Variants in KALRN observed in about 807,000 individuals in gnomAD.
KALRN encodes kalirin.
Under a neutral mutation model 353.7 loss-of-function variants are expected in KALRN, and 70 were observed. The observed-to-expected ratio is 0.20, with a 90% CI of 0.16 to 0.24. KALRN has a LOEUF of 0.24. Among genes scored for constraint, KALRN ranks in the 10% least tolerant of loss-of-function variants. KALRN has a pLI of 1.00. For missense variants in KALRN, 2,791 were observed against 3,756.7 expected (o/e 0.74, Z 6.72); for synonymous variants, 1,391 against 1,434.8 (o/e 0.97, Z 0.69).
At chr3:124,351,260 G>T (rs759873250) in intron 10 of KALRN, among the ~76,000 whole-genome samples, 5 of 152,136 alleles carry the variant, frequency 3.3e-5, no homozygotes, top group Non-Finnish European at 7.4e-5. Flanking sequence ...GCCAAAGCAT[G>T]GACACTCTTG....
chr3:124,173,538 C>G (rs2072201296), intron 1 of KALRN, among the ~76,000 whole-genome samples: 2 of 152,176 alleles, frequency 1.3e-5, no homozygotes, highest in Admixed American at 1.3e-4. Context: ...CTTTGTTTGT[C>G]TTTTGCCTTG....
intron 11 of KALRN, among the ~76,000 whole-genome samples, chr3:124,391,713 A>C (rs17288804): frequency 0.042 from 6,437 of 152,296 alleles, 195 homozygotes; most frequent in Middle Eastern, 0.099. Flanking sequence ...TTATGGTGCT[A>C]AATCTCAGAG....
At chr3:124,405,537 A>C (rs909423108) in intron 13 of KALRN, among the ~76,000 whole-genome samples, 4 of 152,196 alleles carry the variant, frequency 2.6e-5, no homozygotes, top group Admixed American at 2.0e-4. Context: ...AAATCTCAAA[A>C]TGATAAAAGG....
chr3:124,226,130 A>G (rs2078473879), intron 1 of KALRN, among the ~76,000 whole-genome samples: 1 of 152,230 alleles, frequency 6.6e-6, no homozygotes, highest in African/African-American at 2.4e-5. Context: ...TTAGTTAAAG[A>G]TCCTTGATCC....
At chr3:124,586,001 T>C (rs543645846) in intron 34 of KALRN, among the ~76,000 whole-genome samples, 8 of 152,286 alleles carry the variant, frequency 5.3e-5, no homozygotes, top group South Asian at 2.1e-4. Flanking sequence ...TGAGCAGATA[T>C]AAGGTTACCA....
At chr3:124,475,183 G>A (rs960303757) in intron 26 of KALRN, among the ~76,000 whole-genome samples, 1 of 152,124 alleles carries the variant, frequency 6.6e-6, no homozygotes, top group African/African-American at 2.4e-5. Context: ...ATGGAGAATG[G>A]GTGGGGTGTC....
intron 37 of KALRN, among the ~76,000 whole-genome samples, chr3:124,642,808 T>TGTTTTGTTGTTGTTG (rs796191820): frequency 7.9e-6 from 1 of 126,846 alleles, no homozygotes. Context: ...CAAGCCTCGT[T>TGTTTTGTTGTTGTTG]TTTTTTTTTT....
At chr3:124,552,800 T>A (rs1371183707) in intron 33 of KALRN, among the ~76,000 whole-genome samples, 1 of 152,198 alleles carries the variant, frequency 6.6e-6, no homozygotes, top group African/African-American at 2.4e-5. Context: ...AGTTTCACTC[T>A]TGTCGCCCAG....
At chr3:124,259,561 G>A (rs1230868840) in intron 3 of KALRN, among the ~76,000 whole-genome samples, 1 of 152,120 alleles carries the variant, frequency 6.6e-6, no homozygotes, top group Non-Finnish European at 1.5e-5. Flanking sequence ...GGCACAGAGG[G>A]GTTCCACAGT....
chr3:124,273,265 A>G (rs376343500), intron 5 of KALRN, among the ~76,000 whole-genome samples: 8 of 152,304 alleles, frequency 5.3e-5, no homozygotes, highest in African/African-American at 1.9e-4. Context: ...CCAATTAAGT[A>G]TCTAGGGAGT....
At chr3:124,152,513 A>G in intron 1 of KALRN, 2 of 763,108 alleles carry the variant, frequency 2.6e-6, no homozygotes, top group Non-Finnish European at 4.7e-6. Flanking sequence ...ATCTGCCTAT[A>G]TTCCTTGTTA....
intron 9 of KALRN, among the ~76,000 whole-genome samples, chr3:124,336,819 G>C (rs1193444879): frequency 1.3e-5 from 2 of 152,072 alleles, no homozygotes; most frequent in Non-Finnish European, 2.9e-5. Flanking sequence ...ATTTCCTTCT[G>C]CAGTGGTTTG....
chr3:124,217,419 C>T (rs1417653316), intron 1 of KALRN, among the ~76,000 whole-genome samples: 2 of 152,212 alleles, frequency 1.3e-5, no homozygotes, highest in South Asian at 2.1e-4. Flanking sequence ...TATCAGGGGA[C>T]ATATAGGGTT....
In KALRN at chr3:124,650,823, T is replaced by C; in HGVS notation, c.5680T>C (p.Ser1894Pro). 1.2e-6 allele frequency: 2 copies of C among 1,613,640 alleles called. No homozygotes were observed. The highest frequency in any genetic ancestry group is 2.2e-5 in the South Asian group (2 of 91,072). Residue 1894 changes from serine (S) to proline (P), a missense_variant, in exon 38 of 60, where the codon TCA becomes CCA. Transcript: ENST00000682506. ...CTCTTTTCAGAGTCTAGAAGGAAGC[T>C]CATACCGGGGGAGCTTGAAAGACCC... Reference protein sequence around the residue: ...VKNKLSLEGSSYRGSLKDPAG... With the variant: ...VKNKLSLEGSPYRGSLKDPAG...
rs532743237 is a variant in KALRN, at chr3:124,390,263, G to A, written c.1963-4872G>A. Among the ~76,000 whole-genome samples, 173 of 152,286 alleles carry A rather than the reference G, an allele frequency of 1.1e-3. No homozygotes were observed. The Middle Eastern group carries it at 0.017, about 15-fold the overall frequency. On this transcript the variant is annotated intron_variant, in intron 11 of 59. Transcript: ENST00000682506. ...TAGTCACTGGGCTTTCAAAATACCC[G>A]TTTTTAGATATTTTTGTAGTATAAA...
intron 1 of KALRN, among the ~76,000 whole-genome samples, chr3:124,040,292 T>C (rs1308966985): frequency 6.6e-6 from 1 of 152,202 alleles, no homozygotes; most frequent in Non-Finnish European, 1.5e-5. Context: ...AATGAACACT[T>C]TTTACTTTTC....
At chr3:124,309,007 T>A (rs1370329509) in intron 6 of KALRN, among the ~76,000 whole-genome samples, 1 of 151,974 alleles carries the variant, frequency 6.6e-6, no homozygotes, top group Admixed American at 6.6e-5. Context: ...TATAAAGAGA[T>A]GCTATAAATA....
chr3:124,604,037 G>A (rs144592439), intron 34 of KALRN, among the ~76,000 whole-genome samples: 129 of 152,116 alleles, frequency 8.5e-4, no homozygotes, highest in African/African-American at 2.7e-3. Flanking sequence ...TTCTATCACC[G>A]AGAGATCCCT....
chr3:124,406,337 A>G (rs1424490913), intron 13 of KALRN, among the ~76,000 whole-genome samples: 1 of 152,240 alleles, frequency 6.6e-6, no homozygotes, highest in Non-Finnish European at 1.5e-5. Context: ...GAGGAACTCA[A>G]CATTATATTG....
Sources: allele counts gnomAD v4.1 joint callset (sites outside exome capture counted in the v4.1 genomes callset), GRCh38; gene constraint gnomAD v4.1.1; transcripts MANE v1.5; gene names NCBI Gene and HGNC (gene_info 2026-07-23, HGNC 2026-07-21).